Variants in PDE4DIP observed in about 807,000 individuals in gnomAD.
The protein encoded by PDE4DIP is phosphodiesterase 4D interacting protein.
Under a neutral mutation model 221.4 loss-of-function variants are expected in PDE4DIP, and 59 were observed. The observed-to-expected ratio is 0.27, with a 90% CI of 0.22 to 0.33. The LOEUF is 0.33. PDE4DIP is among the 10% of genes least tolerant of loss of function. PDE4DIP has a pLI of 1.00. For missense variants in PDE4DIP, 1,036 were observed against 2,154.2 expected (o/e 0.48, Z 10.28); for synonymous variants, 404 against 815.9 (o/e 0.50, Z 8.60).
chr1:149,013,927 A>G (rs1302398171), intron 32 of PDE4DIP, among the ~76,000 whole-genome samples: 2 of 151,472 alleles, frequency 1.3e-5, no homozygotes, highest in African/African-American at 4.9e-5. Flanking sequence ...AGCTGGGATT[A>G]CAGGTGTGTG....
intron 5 of PDE4DIP, chr1:148,953,515 G>C (rs1558959836): frequency 1.9e-6 from 3 of 1,614,038 alleles, no homozygotes; most frequent in Non-Finnish European, 1.7e-6. Context: ...TGGAATCTTT[G>C]GATGCAAGCG....
rs868911328 is a variant in PDE4DIP, at chr1:149,030,133, A to G, written c.6953-99A>G. The G allele has an allele frequency of 9.6e-4, 985 of 1,025,610 alleles. 5 individuals are homozygous for G. In the African/African-American group the frequency reaches 0.012, roughly 12 times the overall value. The allele number at this position is 1,025,610 out of a possible 1,614,324, so 63.5% of individuals were successfully genotyped here. A position where few individuals can be genotyped will look rare whatever the true frequency, so the allele number is the denominator to read the frequency against. On this transcript the variant is annotated intron_variant, in intron 42 of 43. Transcript: ENST00000369354. ...GATAGAAGGAGACTCCAAGCTGAATAGCCAGAAAGAAATAAATGCTTTAGA... is the reference window on the plus strand; with the variant it reads ...GATAGAAGGAGACTCCAAGCTGAATGGCCAGAAAGAAATAAATGCTTTAGA...
intron 1 of PDE4DIP, among the ~76,000 whole-genome samples, chr1:148,815,049 G>T: frequency 9.4e-6 from 1 of 106,916 alleles, no homozygotes; most frequent in Admixed American, 9.2e-5. Flanking sequence ...CTATTTGGTC[G>T]GAGTTAAGTA....
At chr1:148,973,235 G>A (rs587608580) in intron 16 of PDE4DIP, among the ~76,000 whole-genome samples, 4 of 151,508 alleles carry the variant, frequency 2.6e-5, no homozygotes, top group Middle Eastern at 3.4e-3. Context: ...GCAGTGGCAC[G>A]ATCTCTCTGC....
chr1:149,022,866 G>A (rs1575547346), intron 37 of PDE4DIP, among the ~76,000 whole-genome samples: 1 of 151,810 alleles, frequency 6.6e-6, no homozygotes, highest in African/African-American at 2.4e-5. Flanking sequence ...TATTGGATGG[G>A]TCTAGTGATA....
intron 32 of PDE4DIP, among the ~76,000 whole-genome samples, chr1:149,013,094 G>GGA (rs1157693504): frequency 2.0e-5 from 3 of 152,188 alleles, no homozygotes; most frequent in Non-Finnish European, 2.9e-5. Flanking sequence ...GTTGGGGGTG[G>GGA]GAGAGAGATG....
At chr1:149,017,446 T>G (rs2071048529) in intron 33 of PDE4DIP, among the ~76,000 whole-genome samples, 1 of 152,292 alleles carries the variant, frequency 6.6e-6, no homozygotes, top group African/African-American at 2.4e-5. Flanking sequence ...TTCCAGATGC[T>G]AGGCAGGCCT....
In PDE4DIP at chr1:149,001,673, G is replaced by A. The variant is rs200025414; in HGVS notation, c.3220G>A (p.Glu1074Lys). The A allele has an allele frequency of 3.0e-5, 48 of 1,613,190 alleles. 1 individual carries two copies. The East Asian group carries it at 9.4e-4, about 31-fold the overall frequency. Residue 1074 changes from glutamate to lysine, a missense_variant, in exon 24 of 44, where the codon GAG becomes AAG. Coordinates refer to ENST00000369354, the Ensembl canonical transcript of PDE4DIP. ...AGCAATGTCTGATGGATGGGAGATC[G>A]AGGAAGACAAGGAGAAGGGCGAGGT...
rs2057959962 is a variant in PDE4DIP at position 148,965,426 on chromosome 1, A to G, written c.1195-58A>G. On this transcript the variant is annotated intron_variant, in intron 9 of 43. Coordinates refer to ENST00000369354, the Ensembl canonical transcript of PDE4DIP. The stretch of plus-strand genomic sequence containing the variant: ...ACCTTGAAAATTTTAAGGCCTCTGT[A>G]TCTAATAACCATGTGACAATTTTAG... 31 of 907,646 alleles carry G rather than the reference A, an allele frequency of 3.4e-5. 1 individual carries two copies. The South Asian group carries it at 4.5e-4, about 13-fold the overall frequency. 56.2% of individuals were successfully genotyped at this position (907,646 alleles called of 1,614,324 possible). A position where few individuals can be genotyped will look rare whatever the true frequency, so the allele number is the denominator to read the frequency against.
chr1:149,027,719 ATGCTTTGCATCTC>A (rs1378429714), intron 40 of PDE4DIP, 92 bp downstream of exon 43: 2 of 308,724 alleles, frequency 6.5e-6, no homozygotes, highest in Non-Finnish European at 1.1e-5. Flanking sequence ...TGTTTTTTTC[ATGCTTTGCATCTC>A]TCAACAGCTG....
At chr1:148,961,103 G>A (rs587615146) in intron 6 of PDE4DIP, among the ~76,000 whole-genome samples, 73 of 152,210 alleles carry the variant, frequency 4.8e-4, no homozygotes, top group African/African-American at 1.6e-3. Context: ...TCAGGAGTTC[G>A]AGACCAGCCT....
intron 30 of PDE4DIP, among the ~76,000 whole-genome samples, chr1:149,010,131 T>A (rs1228601573): frequency 3.9e-5 from 6 of 152,218 alleles, no homozygotes; most frequent in Non-Finnish European, 1.5e-5. Flanking sequence ...TACAATGATC[T>A]TGCTACTTAT....
chr1:148,975,587 C>G (rs1553536829), intron 17 of PDE4DIP, among the ~76,000 whole-genome samples: 1 of 152,208 alleles, frequency 6.6e-6, no homozygotes, highest in Admixed American at 6.5e-5. Flanking sequence ...TTAACTCGCT[C>G]TAGCATAGAG....
At chr1:148,975,629 C>CA (rs2060031511) in intron 17 of PDE4DIP, among the ~76,000 whole-genome samples, 2 of 152,276 alleles carry the variant, frequency 1.3e-5, no homozygotes, top group Admixed American at 1.3e-4. Context: ...AGAGGCCTTT[C>CA]AGCCTTAGAG....
intron 37 of PDE4DIP, among the ~76,000 whole-genome samples, chr1:149,022,465 G>GGC (rs1484670666): frequency 6.6e-6 from 1 of 152,156 alleles, no homozygotes; most frequent in Admixed American, 6.6e-5. Flanking sequence ...AAGAGTGAAG[G>GGC]GCAGTGGAAG....
At chr1:148,927,403 T>C (rs587675211) in intron 1 of PDE4DIP, among the ~76,000 whole-genome samples, 3 of 152,162 alleles carry the variant, frequency 2.0e-5, no homozygotes, top group South Asian at 2.1e-4. Flanking sequence ...CTTCCAGCTC[T>C]AAAATTCTTT....
At chr1:148,982,653 G>GT (rs1559145152) in intron 21 of PDE4DIP, 1 of 152,152 alleles carries the variant, frequency 6.6e-6, no homozygotes, top group African/African-American at 2.4e-5. Flanking sequence ...ATTTCCTCTG[G>GT]TTGGAAGTTT....
chr1:148,944,176 G>A (rs1231672987), intron 5 of PDE4DIP, among the ~76,000 whole-genome samples: 2 of 152,178 alleles, frequency 1.3e-5, no homozygotes, highest in African/African-American at 4.8e-5. Flanking sequence ...AAAGTATTTT[G>A]GAAGATGGAA....
At chr1:148,967,480 A>T (rs601274) in intron 12 of PDE4DIP, among the ~76,000 whole-genome samples, 26,565 of 150,482 alleles carry the variant, frequency 0.18, 628 homozygotes, top group Non-Finnish European at 0.21. Context: ...CCTTTATAGC[A>T]TAGTGCACTT....
Sources: gnomAD v4.1 joint callset for allele counts (sites outside exome capture counted in the v4.1 genomes callset) on GRCh38, gnomAD v4.1.1 for gene constraint, MANE v1.5 for transcripts, NCBI Gene and HGNC (gene_info 2026-07-23, HGNC 2026-07-21) for gene names.